KLHL32: variants seen among roughly 807,000 people sequenced by gnomAD.
KLHL32 encodes kelch-like protein 32.
KLHL32 carries 35 observed loss-of-function variants against 64.8 expected under a neutral mutation model. That is an observed-to-expected ratio of 0.54 (90% CI 0.41 to 0.72). The LOEUF is 0.72. Ranked by LOEUF, KLHL32 falls within the 30% of genes least tolerant of loss-of-function variation. KLHL32 has a pLI of 0.00. For missense variants in KLHL32, 589 were observed against 768.5 expected (o/e 0.77, Z 2.76); for synonymous variants, 259 against 281.0 (o/e 0.92, Z 0.78).
rs577806810 is a variant in KLHL32, at chr6:97,000,416, G to A, written c.204+24239G>A. On this transcript the variant is annotated intron_variant, in intron 3 of 10. Transcript: ENST00000369261. ...TTTTTTGACAGGAAGTCTTTCTTGA[G>A]GAAGCATGTAGTAAGTTCATTTGTG... is the stretch of plus-strand genomic sequence containing the variant. Among the ~76,000 whole-genome samples the A allele has an allele frequency of 5.3e-5, 8 of 152,290 alleles. No homozygotes were observed. The East Asian group carries it at 1.5e-3, about 29-fold the overall frequency.
At chr6:96,929,253 A>G (rs1453892924) in intron 1 of KLHL32, among the ~76,000 whole-genome samples, 3 of 152,220 alleles carry the variant, frequency 2.0e-5, no homozygotes, top group Admixed American at 6.5e-5. Context: ...TTTAATTCCT[A>G]TCAAGTACAA....
intron 9 of KLHL32, 93 bp from the exon 10 acceptor site, chr6:97,132,560 A>C: frequency 1.1e-6 from 1 of 924,600 alleles, no homozygotes; most frequent in East Asian, 2.6e-5. Flanking sequence ...AATGTGCCAC[A>C]AAGGAAAATT....
intron 3 of KLHL32, among the ~76,000 whole-genome samples, chr6:96,992,176 T>C (rs528369259): frequency 5.8e-4 from 89 of 152,300 alleles, no homozygotes; most frequent in African/African-American, 2.1e-3. Flanking sequence ...GCCTGACCTC[T>C]CTTGTTGCCA....
At chr6:96,976,488 G>A (rs956493836) in intron 3 of KLHL32, among the ~76,000 whole-genome samples, 8 of 152,138 alleles carry the variant, frequency 5.3e-5, no homozygotes, top group Admixed American at 3.3e-4. Context: ...GGAGTGAGAG[G>A]ATGCTTCTGG....
intron 5 of KLHL32, among the ~76,000 whole-genome samples, chr6:97,074,285 T>C (rs1157439967): frequency 6.6e-6 from 1 of 152,064 alleles, no homozygotes; most frequent in Non-Finnish European, 1.5e-5. Flanking sequence ...TCTAACAAGT[T>C]TTGAGGGATG....
At chr6:96,980,923 A>C (rs1226531513) in intron 3 of KLHL32, among the ~76,000 whole-genome samples, 1 of 152,036 alleles carries the variant, frequency 6.6e-6, no homozygotes, top group Non-Finnish European at 1.5e-5. Flanking sequence ...AGACCTCAAT[A>C]AACTTACAAT....
intron 1 of KLHL32, among the ~76,000 whole-genome samples, chr6:96,965,077 A>G (rs992436706): frequency 2.0e-5 from 3 of 152,218 alleles, no homozygotes; most frequent in Non-Finnish European, 2.9e-5. Flanking sequence ...CTCACTTAGA[A>G]GTGAGAAGAA....
At chr6:97,015,838 G>T (rs1022910614) in intron 3 of KLHL32, among the ~76,000 whole-genome samples, 1 of 152,108 alleles carries the variant, frequency 6.6e-6, no homozygotes, top group Non-Finnish European at 1.5e-5. Context: ...TTCATGGGTC[G>T]GCCCGTCACT....
rs747635380 is a variant in KLHL32 at position 97,135,299 on chromosome 6, ATTT to A, written c.1701+2573_1701+2575del. On this transcript the variant is annotated intron_variant, in intron 10 of 10. Coordinates refer to ENST00000369261, the MANE Select transcript of KLHL32 (RefSeq NM_052904.4). ...CTACAAAGCACAGACAAATTTGTTA[ATTT>A]TTTTTTTTTTTTTTTTTTTTCCTGA... Among the ~76,000 whole-genome samples the A allele has an allele frequency of 5.9e-3, 642 of 109,554 alleles. 3 individuals carry two copies. Among genetic ancestry groups the A allele is most frequent in the Admixed American group, 8.6e-3 (87 of 10,074 alleles). The allele number at this position is 109,554 out of a possible 152,430, so 71.9% of individuals were successfully genotyped here.
chr6:96,914,764 A>C, the KLHL32 span: 1 of 151,884 alleles, frequency 6.6e-6, no homozygotes, highest in East Asian at 1.9e-4. Context: ...GCAATCCCAC[A>C]ACTGATCATC....
chr6:96,967,444 T>G (rs1355975346), intron 2 of KLHL32, among the ~76,000 whole-genome samples: 3 of 151,880 alleles, frequency 2.0e-5, no homozygotes, highest in African/African-American at 7.3e-5. Context: ...TATATAGATG[T>G]GTATATATAG....
intron 5 of KLHL32, among the ~76,000 whole-genome samples, chr6:97,067,153 C>T (rs1006013938): frequency 1.3e-5 from 2 of 152,322 alleles, no homozygotes; most frequent in African/African-American, 2.4e-5. Flanking sequence ...CAAGGGAAAC[C>T]GTTGGTGGAA....
intron 1 of KLHL32, among the ~76,000 whole-genome samples, chr6:96,955,833 A>G (rs1264426086): frequency 6.6e-6 from 1 of 152,184 alleles, no homozygotes; most frequent in Non-Finnish European, 1.5e-5. Context: ...GCTACTCAGG[A>G]GGCTGAGGCA....
chr6:97,026,586 G>C (rs1048237666), intron 3 of KLHL32, among the ~76,000 whole-genome samples: 2 of 152,126 alleles, frequency 1.3e-5, no homozygotes, highest in Admixed American at 6.5e-5. Flanking sequence ...ACTCACAGCT[G>C]TCAAACAAAA....
At position 97,056,344 on chromosome 6, in the gene KLHL32, A is replaced by T. The variant is rs564572197; in HGVS notation, c.313-8284A>T. Among the ~76,000 whole-genome samples, 4 of 151,872 alleles carry T rather than the reference A, an allele frequency of 2.6e-5. No homozygotes were observed. The South Asian group carries it at 8.3e-4, about 32-fold the overall frequency. ...ATGGTCTTGATCTCCTGACCTCGTG[A>T]TCCTCCCGCCTTGGCCTCCCAAAGT... On this transcript the variant is annotated intron_variant, in intron 4 of 10. Coordinates refer to ENST00000369261, the MANE Select transcript of KLHL32 (RefSeq NM_052904.4).
chr6:96,910,653 A>G, the KLHL32 span, among the ~76,000 whole-genome samples: 2 of 152,220 alleles, frequency 1.3e-5, no homozygotes, highest in East Asian at 1.9e-4. Flanking sequence ...TTTAAAATCA[A>G]TTGTATCTTA....
intron 8 of KLHL32, among the ~76,000 whole-genome samples, chr6:97,130,447 A>G (rs1181935397): frequency 1.3e-5 from 2 of 152,180 alleles, no homozygotes; most frequent in Non-Finnish European, 2.9e-5. Context: ...AATTCTCTGA[A>G]TTGGGTGAGA....
intron 1 of KLHL32, among the ~76,000 whole-genome samples, chr6:96,957,829 A>G (rs1027010279): frequency 6.6e-6 from 1 of 152,228 alleles, no homozygotes; most frequent in South Asian, 2.1e-4. Context: ...TTATTCTTAT[A>G]TAAAGAAACT....
the KLHL32 span, among the ~76,000 whole-genome samples, chr6:96,908,117 A>G: frequency 6.6e-6 from 1 of 152,316 alleles, no homozygotes; most frequent in East Asian, 1.9e-4. Context: ...GAAAACCCCC[A>G]AAAGGATCAC....
Sources: gnomAD v4.1 joint callset for allele counts (sites outside exome capture counted in the v4.1 genomes callset) on GRCh38, gnomAD v4.1.1 for gene constraint, MANE v1.5 for transcripts, NCBI Gene and HGNC (gene_info 2026-07-23, HGNC 2026-07-21) for gene names.